The following ARPP21 variants were observed in gnomAD, a reference collection of about 807,000 sequenced individuals.
ARPP21 encodes the protein cAMP-regulated phosphoprotein 21.
Under a neutral mutation model 113.2 loss-of-function variants are expected in ARPP21, and 69 were observed. That is an observed-to-expected ratio of 0.61 (90% confidence interval 0.50 to 0.74). The LOEUF (loss-of-function observed/expected upper bound fraction) is 0.74, where lower values mean the gene tolerates loss of function less well. Ranked by LOEUF, ARPP21 falls within the 30% of genes least tolerant of loss-of-function variation. The probability of loss-of-function intolerance (pLI) is 0.00; values close to 1 mark genes in which losing one functional copy is unlikely to be tolerated. For synonymous variants in ARPP21, 368 were observed against 375.5 expected, an observed-to-expected ratio of 0.98 and a Z score of 0.23; for missense variants, 1,070 against 1,037.4, an observed-to-expected ratio of 1.03 and a Z score of -0.43.
chr3:35,644,213 T>G (rs2148871671), intron 1 of ARPP21, among the ~76,000 whole-genome samples: 1 of 152,056 alleles, frequency 6.6e-6, no homozygotes, highest in South Asian at 2.1e-4. Context: ...TGAGTGTTAG[T>G]TTCCTTTAGG....
chr3:35,725,793 C>T (rs1310988890), intron 14 of ARPP21, among the ~76,000 whole-genome samples: 2 of 152,156 alleles, frequency 1.3e-5, no homozygotes, highest in Non-Finnish European at 2.9e-5. Context: ...CTTTTTTCTC[C>T]TCCCTGTGGC....
At chr3:35,776,894 T>TCCACTCC (rs1203239030) in intron 19 of ARPP21, among the ~76,000 whole-genome samples, 3 of 152,094 alleles carry the variant, frequency 2.0e-5, no homozygotes, top group Admixed American at 6.6e-5. Flanking sequence ...AGCTTGACCT[T>TCCACTCC]CCACTCCCTG....
chr3:35,660,304 C>T (rs75048037), intron 1 of ARPP21, among the ~76,000 whole-genome samples: 3 of 152,178 alleles, frequency 2.0e-5, no homozygotes, highest in Admixed American at 6.5e-5. Context: ...TATAAATGAT[C>T]GGCCCAGCCA....
chr3:35,688,005 T>C, intron 6 of ARPP21, 122 bp downstream of exon 6: 4 of 845,398 alleles, frequency 4.7e-6, no homozygotes, highest in South Asian at 2.0e-5. Flanking sequence ...TCTATACGTG[T>C]ACGTATCTGT....
intron 19 of ARPP21, among the ~76,000 whole-genome samples, chr3:35,782,013 A>G (rs773229605): frequency 1.4e-4 from 21 of 152,164 alleles, no homozygotes; most frequent in Non-Finnish European, 2.2e-4. Context: ...TGTATTTTTT[A>G]TGGCATTCTG....
chr3:35,665,890 G>T (rs1238081403), intron 1 of ARPP21, among the ~76,000 whole-genome samples: 1 of 152,068 alleles, frequency 6.6e-6, no homozygotes, highest in Non-Finnish European at 1.5e-5. Flanking sequence ...AATGTATCCT[G>T]CTCATTAATG....
intron 19 of ARPP21, among the ~76,000 whole-genome samples, chr3:35,786,683 G>T (rs1046296460): frequency 3.3e-5 from 5 of 152,006 alleles, no homozygotes; most frequent in African/African-American, 1.2e-4. Flanking sequence ...TCATTCCTTG[G>T]ATTTATCTCC....
At chr3:35,667,891 G>A (rs4025936) in intron 1 of ARPP21, among the ~76,000 whole-genome samples, 29,829 of 68,970 alleles carry the variant, frequency 0.43, 6,100 homozygotes, top group East Asian at 0.57. Flanking sequence ...AAGAAGAAGA[G>A]GAAGAGGAAG....
At chr3:35,646,056 T>C (rs1700101446) in intron 1 of ARPP21, among the ~76,000 whole-genome samples, 1 of 152,020 alleles carries the variant, frequency 6.6e-6, no homozygotes, top group African/African-American at 2.4e-5. Flanking sequence ...ATCATCTAAA[T>C]GTTCAGTGAT....
intron 9 of ARPP21, among the ~76,000 whole-genome samples, chr3:35,692,297 A>G (rs62259471): frequency 0.12 from 17,470 of 151,664 alleles, 1,291 homozygotes; most frequent in South Asian, 0.23. Flanking sequence ...CATGTGCCTC[A>G]TATTTGAATA....
At chr3:35,645,269 T>C (rs145812057) in intron 1 of ARPP21, among the ~76,000 whole-genome samples, 1 of 152,052 alleles carries the variant, frequency 6.6e-6, no homozygotes, top group East Asian at 1.9e-4. Flanking sequence ...AGAAATCCAT[T>C]ATGAATAACA....
At chr3:35,740,491 T>C (rs2094588921) in intron 18 of ARPP21, among the ~76,000 whole-genome samples, 1 of 152,202 alleles carries the variant, frequency 6.6e-6, no homozygotes, top group Non-Finnish European at 1.5e-5. Context: ...TACCAAGAAA[T>C]AATTGTCACT....
intron 1 of ARPP21, among the ~76,000 whole-genome samples, chr3:35,651,031 C>G (rs1702164671): frequency 6.6e-6 from 1 of 151,654 alleles, no homozygotes; most frequent in African/African-American, 2.4e-5. Flanking sequence ...AAAATTATTT[C>G]AGAAAAAAAT....
intron 13 of ARPP21, among the ~76,000 whole-genome samples, chr3:35,717,867 G>A (rs1160458947): frequency 6.6e-6 from 1 of 152,162 alleles, no homozygotes; most frequent in African/African-American, 2.4e-5. Context: ...ATCTGTGTAG[G>A]ATAAGGGGAT....
At chr3:35,676,112 C>A (rs1484060889) in intron 1 of ARPP21, among the ~76,000 whole-genome samples, 1 of 151,922 alleles carries the variant, frequency 6.6e-6, no homozygotes, top group Non-Finnish European at 1.5e-5. Context: ...GTAGAACATT[C>A]TTGCTCATAG....
At position 35,711,408 on chromosome 3, in the gene ARPP21, A is replaced by C. The variant is rs1308155363; in HGVS notation, c.897+2338A>C. 2.0e-5 allele frequency among the ~76,000 whole-genome samples: 3 copies of C among 152,326 alleles called. 1 individual carries two copies. The highest frequency in any genetic ancestry group is 4.1e-4 in the South Asian group (2 of 4,834). Reference sequence around the variant, plus strand: ...AAAAGGCTAAGACCCTTTCTCTTAGAGGGCAAGAAACACCTAGTGTCTTTC... The same window carrying C: ...AAAAGGCTAAGACCCTTTCTCTTAGCGGGCAAGAAACACCTAGTGTCTTTC... On this transcript the variant is annotated intron_variant, in intron 11 of 20. Coordinates refer to ENST00000684406, the MANE Select transcript of ARPP21 (RefSeq NM_001385562.1).
chr3:35,785,763 T>C (rs138553778), intron 19 of ARPP21, among the ~76,000 whole-genome samples: 21 of 152,268 alleles, frequency 1.4e-4, no homozygotes, highest in Admixed American at 2.6e-4. Context: ...AAACTACTGC[T>C]TCAGGAAGCA....
chr3:35,659,482 T>C (rs1706642058), intron 1 of ARPP21, among the ~76,000 whole-genome samples: 1 of 152,206 alleles, frequency 6.6e-6, no homozygotes, highest in East Asian at 1.9e-4. Context: ...TTTCCTATTG[T>C]ATTCTAGACA....
intron 19 of ARPP21, among the ~76,000 whole-genome samples, chr3:35,774,595 T>C (rs1324901496): frequency 6.6e-6 from 1 of 152,194 alleles, no homozygotes; most frequent in East Asian, 1.9e-4. Context: ...TGATAAAGAA[T>C]GAGTTACTCA....
Sources: allele counts gnomAD v4.1 joint callset (sites outside exome capture counted in the v4.1 genomes callset), GRCh38; gene constraint gnomAD v4.1.1; transcripts MANE v1.5; gene names NCBI Gene and HGNC (gene_info 2026-07-23, HGNC 2026-07-21).